DGKI: variants seen among roughly 807,000 people sequenced by gnomAD.
DGKI encodes the protein diacylglycerol kinase iota.
Under a neutral mutation model 147.5 loss-of-function variants are expected in DGKI, and 55 were observed. The ratio of observed to expected loss-of-function variants is 0.37; its 90% CI spans 0.30 to 0.47. The LOEUF (loss-of-function observed/expected upper bound fraction) is 0.47, where lower values mean the gene tolerates loss of function less well. DGKI is among the 20% of genes least tolerant of loss of function. DGKI has a pLI of 1.00. For missense variants in DGKI, 1,007 were observed against 1,323.8 expected (o/e 0.76, Z 3.71); for synonymous variants, 469 against 477.1 (o/e 0.98, Z 0.22).
chr7:137,735,892 G>T (rs1469672853), intron 1 of DGKI, among the ~76,000 whole-genome samples: 2 of 152,070 alleles, frequency 1.3e-5, no homozygotes, highest in African/African-American at 4.8e-5. Flanking sequence ...CTAAACGCCT[G>T]TGCTAGCTAC....
chr7:137,657,588 C>A (rs2116263766), intron 3 of DGKI, among the ~76,000 whole-genome samples: 1 of 152,260 alleles, frequency 6.6e-6, no homozygotes, highest in South Asian at 2.1e-4. Context: ...TGAATAATTT[C>A]TGTGTTTGAG....
At chr7:137,555,141 T>C (rs991303411) in intron 19 of DGKI, among the ~76,000 whole-genome samples, 5 of 151,700 alleles carry the variant, frequency 3.3e-5, no homozygotes, top group African/African-American at 1.2e-4. Flanking sequence ...GTCTCAATCT[T>C]CTGACTTCGT....
At position 137,846,161 on chromosome 7, in the gene DGKI, TCACACACACA is replaced by T. The variant is rs58484819; in HGVS notation, c.401+291_401+300del. Among the ~76,000 whole-genome samples the T allele has an allele frequency of 0.022, 2,413 of 108,128 alleles. 126 individuals are homozygous for T. Among genetic ancestry groups the T allele is most frequent in the African/African-American group, 0.088 (2,278 of 25,914 alleles). The allele number at this position is 108,128 out of a possible 152,430, so 70.9% of individuals were successfully genotyped here. A position where few individuals can be genotyped will look rare whatever the true frequency, so the allele number is the denominator to read the frequency against. On this transcript the variant is annotated intron_variant, in intron 1 of 32. Coordinates refer to ENST00000614521, the MANE Select transcript of DGKI (RefSeq NM_001321708.2). The surrounding 1 kb of genome is among the most constrained non-coding windows in gnomAD (Gnocchi z 4.0). ...CTCTCTCTCTCTCTCTCTCTCTCTC[TCACACACACA>T]CACACACACACACACACACACACAC...
chr7:137,508,526 G>A (rs774549891), intron 21 of DGKI, among the ~76,000 whole-genome samples: 23 of 151,898 alleles, frequency 1.5e-4, no homozygotes, highest in African/African-American at 4.6e-4. Context: ...ATGCCCGGCC[G>A]ACAGGTTTCT....
At chr7:137,394,609 A>C (rs1353775182) in intron 32 of DGKI, among the ~76,000 whole-genome samples, 1 of 152,146 alleles carries the variant, frequency 6.6e-6, no homozygotes, top group East Asian at 1.9e-4. Flanking sequence ...GTTTCCCCTA[A>C]GGCCTCACCT....
At chr7:137,685,117 T>C (rs115458964) in intron 2 of DGKI, among the ~76,000 whole-genome samples, 339 of 152,320 alleles carry the variant, frequency 2.2e-3, no homozygotes, top group African/African-American at 5.2e-3. Context: ...GTGATGTTTC[T>C]ATCTGCCTCA....
At chr7:137,620,053 A>ACACACACT (rs774829700) in intron 7 of DGKI, 113 bp from the exon 8 acceptor site, 45 of 725,888 alleles carry the variant, frequency 6.2e-5, no homozygotes, top group South Asian at 2.0e-4. Context: ...ACACACACAC[A>ACACACACT]CTCATTACAT....
intron 3 of DGKI, among the ~76,000 whole-genome samples, chr7:137,677,961 C>T (rs1585360722): frequency 6.6e-6 from 1 of 152,292 alleles, no homozygotes; most frequent in African/African-American, 2.4e-5. Context: ...AGAATTTTAA[C>T]CCTCTAAATA....
chr7:137,526,814 C>T (rs1252357699), intron 20 of DGKI, among the ~76,000 whole-genome samples: 2 of 152,254 alleles, frequency 1.3e-5, no homozygotes, highest in Non-Finnish European at 1.5e-5. Flanking sequence ...TGCCCTCAAA[C>T]GTCTTCCTCC....
At chr7:137,477,683 G>A (rs1034891739) in intron 23 of DGKI, among the ~76,000 whole-genome samples, 1 of 152,022 alleles carries the variant, frequency 6.6e-6, no homozygotes, top group African/African-American at 2.4e-5. Flanking sequence ...TTGAGACAGG[G>A]TCTCACCCTG....
intron 1 of DGKI, among the ~76,000 whole-genome samples, chr7:137,759,934 CA>C (rs1030872813): frequency 6.6e-6 from 1 of 151,998 alleles, no homozygotes; most frequent in South Asian, 2.1e-4. Context: ...AAACTAGAAA[CA>C]AAAAGGCATA....
chr7:137,403,063 G>T (rs1191866076), intron 30 of DGKI, among the ~76,000 whole-genome samples: 1 of 152,090 alleles, frequency 6.6e-6, no homozygotes, highest in Non-Finnish European at 1.5e-5. Flanking sequence ...TCCCTTGGAG[G>T]GTTGGAGGGG....
chr7:137,783,544 A>G (rs1429518560), intron 1 of DGKI, among the ~76,000 whole-genome samples: 1 of 152,260 alleles, frequency 6.6e-6, no homozygotes, highest in Non-Finnish European at 1.5e-5. Context: ...AAAAGTTTGG[A>G]AAACATATCT....
rs185604030 is a variant in DGKI at position 137,617,826 on chromosome 7, C to G, written c.993+1998G>C. Among the ~76,000 whole-genome samples, 89 of 151,720 alleles carry G rather than the reference C, an allele frequency of 5.9e-4. 1 individual carries two copies. Among genetic ancestry groups the G allele is most frequent in the Admixed American group, 4.0e-3 (61 of 15,232 alleles). On this transcript the variant is annotated intron_variant, in intron 8 of 32. Coordinates refer to ENST00000614521, the MANE Select transcript of DGKI (RefSeq NM_001321708.2). ...TTCTCTGTATTGCTTCTCACAGCTG[C>G]ATGTGAATCTCAAAAGAAAAAGGTA...
chr7:137,828,383 C>A (rs182823927), intron 1 of DGKI, among the ~76,000 whole-genome samples: 4 of 152,274 alleles, frequency 2.6e-5, no homozygotes, highest in Non-Finnish European at 4.4e-5. Flanking sequence ...GAGGATTCCT[C>A]ATGCTATAAA....
At chr7:137,535,038 T>G (rs1817471009) in intron 20 of DGKI, among the ~76,000 whole-genome samples, 1 of 152,118 alleles carries the variant, frequency 6.6e-6, no homozygotes, top group Non-Finnish European at 1.5e-5. Flanking sequence ...AAACCAACCC[T>G]GCTGACACCT....
intron 19 of DGKI, among the ~76,000 whole-genome samples, chr7:137,567,212 C>T (rs923706323): frequency 4.0e-5 from 6 of 149,364 alleles, no homozygotes; most frequent in Non-Finnish European, 8.9e-5. Context: ...TACAGTGAGC[C>T]GAGATTGCAC....
At chr7:137,820,266 C>A (rs1258519014) in intron 1 of DGKI, among the ~76,000 whole-genome samples, 2 of 152,056 alleles carry the variant, frequency 1.3e-5, no homozygotes, top group African/African-American at 4.8e-5. Context: ...AGCAGGAGGC[C>A]CCAATCAGCA....
chr7:137,635,779 G>A (rs1821287965), intron 6 of DGKI, among the ~76,000 whole-genome samples: 1 of 152,212 alleles, frequency 6.6e-6, no homozygotes, highest in African/African-American at 2.4e-5. Flanking sequence ...ATGGTGCTGT[G>A]TCTCCATGAC....
Sources: gnomAD v4.1 joint callset for allele counts (sites outside exome capture counted in the v4.1 genomes callset) on GRCh38, gnomAD v4.1.1 for gene constraint, Gnocchi (gnomAD v3.1) non-coding constraint, MANE v1.5 for transcripts, NCBI Gene and HGNC (gene_info 2026-07-23, HGNC 2026-07-21) for gene names.